Variants in CFAP299 observed in about 807,000 individuals in gnomAD.
CFAP299 encodes the protein cilia and flagella associated protein 299.
CFAP299 carries 21 observed loss-of-function variants against 27.0 expected under a neutral mutation model. The observed-to-expected ratio is 0.78, with a 90% CI of 0.55 to 1.12. The LOEUF (loss-of-function observed/expected upper bound fraction) is 1.12. CFAP299 is among the 50% of genes most tolerant of loss of function. The pLI, the probability that CFAP299 is intolerant of heterozygous loss-of-function variation, is 0.00. For missense variants in CFAP299, 310 were observed against 276.6 expected (o/e 1.12, Z -0.86); for synonymous variants, 104 against 98.1 (o/e 1.06, Z -0.36).
At chr4:80,783,360 G>T (rs775384699) in intron 3 of CFAP299, among the ~76,000 whole-genome samples, 14 of 151,976 alleles carry the variant, frequency 9.2e-5, no homozygotes, top group Non-Finnish European at 2.1e-4. Context: ...GACCATTGGG[G>T]GCCATTTTGG....
chr4:80,649,912 A>G (rs974525069), intron 3 of CFAP299, among the ~76,000 whole-genome samples: 2 of 152,122 alleles, frequency 1.3e-5, no homozygotes, highest in Admixed American at 6.6e-5. Flanking sequence ...AAATCATTAA[A>G]GAAAATGTTC....
chr4:80,380,571 G>T (rs750537785), intron 2 of CFAP299, among the ~76,000 whole-genome samples: 1 of 151,882 alleles, frequency 6.6e-6, no homozygotes, highest in Non-Finnish European at 1.5e-5. Flanking sequence ...GGGGTTACAG[G>T]TGCATGCCAC....
At chr4:80,497,251 C>G (rs183738207) in intron 2 of CFAP299, among the ~76,000 whole-genome samples, 62 of 152,218 alleles carry the variant, frequency 4.1e-4, no homozygotes, top group Non-Finnish European at 3.7e-4. Flanking sequence ...GCCTGAGAGA[C>G]AGACTAAGAC....
intron 2 of CFAP299, among the ~76,000 whole-genome samples, chr4:80,424,946 G>A (rs1294278030): frequency 2.0e-5 from 3 of 152,102 alleles, no homozygotes; most frequent in East Asian, 1.9e-4. Flanking sequence ...CATAGTCCAC[G>A]GATAGTGTAG....
intron 3 of CFAP299, among the ~76,000 whole-genome samples, chr4:80,777,311 C>T (rs952808563): frequency 7.9e-5 from 12 of 152,166 alleles, no homozygotes; most frequent in Admixed American, 7.9e-4. Flanking sequence ...TTGCATCCCC[C>T]ATTCCTACCC....
At chr4:80,439,118 C>T (rs1448617676) in intron 2 of CFAP299, among the ~76,000 whole-genome samples, 1 of 152,082 alleles carries the variant, frequency 6.6e-6, no homozygotes, top group Non-Finnish European at 1.5e-5. Context: ...TTGTCTTCTC[C>T]CTTCCTATAT....
chr4:80,617,208 G>A (rs1015296653), intron 3 of CFAP299, among the ~76,000 whole-genome samples: 2 of 152,148 alleles, frequency 1.3e-5, no homozygotes, highest in African/African-American at 2.4e-5. Context: ...CCTTGGAGAT[G>A]TAACAGGAGA....
At chr4:80,402,505 C>A (rs191084480) in intron 2 of CFAP299, among the ~76,000 whole-genome samples, 15 of 152,226 alleles carry the variant, frequency 9.9e-5, no homozygotes, top group African/African-American at 1.7e-4. Flanking sequence ...TGTAAGCATG[C>A]CTTTCGTCTC....
chr4:80,529,641 C>A lies in CFAP299; in HGVS notation c.243-53452C>A, dbSNP rs1490432784. Among the ~76,000 whole-genome samples the A allele has an allele frequency of 2.0e-5, 3 of 152,086 alleles. No individual in the cohort carries two copies. The East Asian group carries it at 5.8e-4, about 29-fold the overall frequency. ...AGCAAGAGTTATTTCAAAAAGCTATCTTGAAACTGATGTTTTAATTTCTAT... is the reference window on the plus strand; with the variant it reads ...AGCAAGAGTTATTTCAAAAAGCTATATTGAAACTGATGTTTTAATTTCTAT... On this transcript the variant is annotated intron_variant, in intron 2 of 5. Transcript: ENST00000358105.
intron 2 of CFAP299, among the ~76,000 whole-genome samples, chr4:80,447,431 G>T (rs1728697910): frequency 6.8e-6 from 1 of 147,384 alleles, no homozygotes; most frequent in African/African-American, 2.5e-5. Flanking sequence ...CACCGCGCCC[G>T]GCCTATTTGT....
At chr4:80,630,223 GT>G (rs1247745695) in intron 3 of CFAP299, among the ~76,000 whole-genome samples, 1 of 152,064 alleles carries the variant, frequency 6.6e-6, no homozygotes. Context: ...TTGTGTATAC[GT>G]TTTTCTTTTC....
chr4:80,328,577 A>G, the CFAP299 span, among the ~76,000 whole-genome samples: 2 of 152,104 alleles, frequency 1.3e-5, no homozygotes, highest in African/African-American at 4.8e-5. Flanking sequence ...AATTTTGAAT[A>G]GGAAAAAAGG....
intron 2 of CFAP299, among the ~76,000 whole-genome samples, chr4:80,398,833 G>A (rs879742206): frequency 2.1e-4 from 32 of 152,132 alleles, no homozygotes; most frequent in Non-Finnish European, 4.3e-4. Flanking sequence ...AGCCAAAATT[G>A]ACAAATGGGA....
intron 2 of CFAP299, among the ~76,000 whole-genome samples, chr4:80,543,558 A>G (rs1342601569): frequency 6.6e-6 from 1 of 152,242 alleles, no homozygotes; most frequent in Non-Finnish European, 1.5e-5. Context: ...TCAAAATACA[A>G]TAGGAAGCAT....
chr4:80,372,047 G>A (rs1560534644), intron 2 of CFAP299, among the ~76,000 whole-genome samples: 1 of 152,148 alleles, frequency 6.6e-6, no homozygotes, highest in Non-Finnish European at 1.5e-5. Context: ...AAGAAAAGAG[G>A]TTTAATTGGC....
chr4:80,323,059 A>G, the CFAP299 span, among the ~76,000 whole-genome samples: 3 of 152,236 alleles, frequency 2.0e-5, no homozygotes, highest in Non-Finnish European at 4.4e-5. Flanking sequence ...ATAGCTAAGA[A>G]AGTAGGGTAG....
At chr4:80,890,272 C>T (rs1265206822) in intron 4 of CFAP299, among the ~76,000 whole-genome samples, 1 of 151,972 alleles carries the variant, frequency 6.6e-6, no homozygotes, top group African/African-American at 2.4e-5. Flanking sequence ...TAAACAAATT[C>T]AATAAAGTTG....
At chr4:80,531,812 G>A (rs562201486) in intron 2 of CFAP299, among the ~76,000 whole-genome samples, 1 of 142,214 alleles carries the variant, frequency 7.0e-6, no homozygotes, top group Non-Finnish European at 1.5e-5. Flanking sequence ...GGAGTGCAAT[G>A]GCACGATCTC....
At chr4:80,451,712 G>A (rs182360017) in intron 2 of CFAP299, among the ~76,000 whole-genome samples, 18 of 152,268 alleles carry the variant, frequency 1.2e-4, no homozygotes, top group Non-Finnish European at 2.2e-4. Flanking sequence ...TTAAATGGAA[G>A]TTACAATGAT....
Sources: allele counts gnomAD v4.1 joint callset (sites outside exome capture counted in the v4.1 genomes callset), GRCh38; gene constraint gnomAD v4.1.1; transcripts MANE v1.5; gene names NCBI Gene and HGNC (gene_info 2026-07-23, HGNC 2026-07-21).